Variants in RALGAPA1 observed in about 807,000 individuals in gnomAD.
RALGAPA1 encodes the protein ral GTPase-activating protein subunit alpha-1.
Under a neutral mutation model 269.6 loss-of-function variants are expected in RALGAPA1, and 52 were observed. That is an observed-to-expected ratio of 0.19 (90% CI 0.15 to 0.24). The LOEUF is 0.24. RALGAPA1 is among the 10% of genes least tolerant of loss of function. RALGAPA1 has a pLI of 1.00. For synonymous variants in RALGAPA1, 817 were observed against 1,008.3 expected, an observed-to-expected ratio of 0.81 and a Z score of 3.60; for missense variants, 1,917 against 3,013.9, an observed-to-expected ratio of 0.64 and a Z score of 8.52.
chr14:35,700,337 A>G (rs2067240837), intron 16 of RALGAPA1, 35 bp from the exon 17 acceptor site: 8 of 1,481,040 alleles, frequency 5.4e-6, no homozygotes, highest in Non-Finnish European at 7.1e-6. Flanking sequence ...TGGGGAAGGA[A>G]AAAAGAAGAG....
chr14:35,559,299 G>A (rs2055934300), intron 39 of RALGAPA1, among the ~76,000 whole-genome samples: 1 of 152,116 alleles, frequency 6.6e-6, no homozygotes, highest in African/African-American at 2.4e-5. Context: ...TGTCAAATAT[G>A]TTTAAAGACT....
chr14:35,588,900 T>C (rs2058470830), intron 37 of RALGAPA1, among the ~76,000 whole-genome samples: 4 of 152,306 alleles, frequency 2.6e-5, no homozygotes. Context: ...GTGGTATATA[T>C]ATAAAATGGA....
At chr14:35,728,169 C>T (rs1044324964) in intron 13 of RALGAPA1, among the ~76,000 whole-genome samples, 193 bp downstream of exon 13, 6 of 152,134 alleles carry the variant, frequency 3.9e-5, no homozygotes, top group African/African-American at 1.4e-4. Context: ...AGGGGTCTTG[C>T]GGAAGTCCGA....
At chr14:35,584,046 G>C (rs916872761) in intron 37 of RALGAPA1, among the ~76,000 whole-genome samples, 2 of 151,752 alleles carry the variant, frequency 1.3e-5, no homozygotes, top group Non-Finnish European at 2.9e-5. Flanking sequence ...AATAAGTGAG[G>C]GTAAATTAAA....
intron 1 of RALGAPA1, among the ~76,000 whole-genome samples, chr14:35,792,506 G>A (rs1178190214): frequency 6.6e-6 from 1 of 152,020 alleles, no homozygotes; most frequent in Non-Finnish European, 1.5e-5. Flanking sequence ...GACCTGGCTG[G>A]GCATGGTGGC....
chr14:35,689,922 A>G lies in RALGAPA1; in HGVS notation c.2489T>C (p.Phe830Ser). The G allele has an allele frequency of 6.2e-7, 1 of 1,602,468 alleles. No individual in the cohort carries two copies. ...SQSEETGNEV[F>S]GALNEEQPLP... The stretch of plus-strand genomic sequence containing the variant: ...TGGCTGCTCCTCATTCAAAGCACCA[A>G]AAACTTCATTTCCAGTTTCTTCACT... The change falls in exon 18 of 42, where the codon TTT becomes TCT. Residue 830 changes from phenylalanine to serine, a missense_variant. Physicochemically the swap from Phe to Ser is radical, Grantham distance 155 (BLOSUM62 -2). This residue lies in a region of RALGAPA1 where 125 missense variants were observed against 155.7 expected (regional missense o/e 0.80). Coordinates refer to ENST00000680220, the MANE Select transcript of RALGAPA1 (RefSeq NM_001346249.2).
At chr14:35,600,531 T>C (rs972431827) in intron 36 of RALGAPA1, among the ~76,000 whole-genome samples, 4 of 152,130 alleles carry the variant, frequency 2.6e-5, no homozygotes, top group African/African-American at 9.7e-5. Flanking sequence ...ATGCCCAGCC[T>C]AAGTTTGTTT....
In RALGAPA1 at chr14:35,600,965, C is replaced by T. The variant is rs142361047; in HGVS notation, c.7053+4621G>A. 1.7e-3 allele frequency among the ~76,000 whole-genome samples: 257 copies of T among 152,172 alleles called. 2 individuals carry two copies. In the East Asian group the frequency reaches 0.019, roughly 11 times the overall value. ...GGTTGTTTGAAGACTCTGCTGTATG[C>T]GGGAAAAGAGCAGAGAATCAGGTGA... is the stretch of plus-strand genomic sequence containing the variant. On this transcript the variant is annotated intron_variant, in intron 36 of 41. Coordinates refer to ENST00000680220, the MANE Select transcript of RALGAPA1 (RefSeq NM_001346249.2).
At chr14:35,587,766 T>G (rs1380107489) in intron 37 of RALGAPA1, among the ~76,000 whole-genome samples, 1 of 152,068 alleles carries the variant, frequency 6.6e-6, no homozygotes, top group Non-Finnish European at 1.5e-5. Context: ...ATACCTAATG[T>G]AAATGATGAG....
chr14:35,722,566 T>G (rs2069519066), intron 15 of RALGAPA1, among the ~76,000 whole-genome samples: 1 of 151,560 alleles, frequency 6.6e-6, no homozygotes, highest in African/African-American at 2.4e-5. Context: ...GAGCCATGAC[T>G]GTGCTACTAT....
intron 15 of RALGAPA1, 62 bp downstream of exon 15, chr14:35,722,965 G>T: frequency 1.0e-6 from 1 of 971,692 alleles, no homozygotes; most frequent in Non-Finnish European, 1.6e-6. Context: ...CCCTGGAATG[G>T]TTTTCCCTGA....
chr14:35,682,494 G>A (rs969626706), intron 21 of RALGAPA1, among the ~76,000 whole-genome samples: 1 of 152,052 alleles, frequency 6.6e-6, no homozygotes, highest in East Asian at 1.9e-4. Context: ...TTTTAGTAGA[G>A]ATGGGGTTTC....
intron 37 of RALGAPA1, among the ~76,000 whole-genome samples, chr14:35,573,015 T>C (rs1415846129): frequency 6.6e-6 from 1 of 152,178 alleles, no homozygotes; most frequent in Non-Finnish European, 1.5e-5. Context: ...AACAGATCTT[T>C]TAAAAGATTG....
At position 35,570,727 on chromosome 14, in the gene RALGAPA1, G is replaced by C. The variant is rs779736018; in HGVS notation, c.7386C>G (p.Pro2462=). 1.5e-4 allele frequency: 243 copies of C among 1,598,524 alleles called. 1 individual carries two copies. The highest frequency in any genetic ancestry group is 2.0e-4 in the Non-Finnish European group (233 of 1,173,908). The change falls in exon 39 of 42, where the codon CCC becomes CCG. Residue 2462 remains proline, a synonymous_variant. Coordinates refer to ENST00000680220, the MANE Select transcript of RALGAPA1 (RefSeq NM_001346249.2). ...CATTCACAATAGCACCATCAAAAAG[G>C]GGACCAAAGAAGGGAACCTGATTGA... The part of the protein sequence containing the change: ...MKKPEVPFFG[P]LFDGAIVNGK...
chr14:35,652,305 A>G (rs1358409488), intron 30 of RALGAPA1, among the ~76,000 whole-genome samples: 2 of 151,708 alleles, frequency 1.3e-5, no homozygotes, highest in African/African-American at 4.8e-5. Flanking sequence ...AACAACAAAA[A>G]ACCACTGTAA....
intron 1 of RALGAPA1, among the ~76,000 whole-genome samples, chr14:35,792,341 G>A (rs2076236002): frequency 6.6e-6 from 1 of 152,054 alleles, no homozygotes; most frequent in Non-Finnish European, 1.5e-5. Context: ...ATTTTCAGTA[G>A]AGACGTGGTT....
Position 35,742,358 on chromosome 14 carries a change from A to T in RALGAPA1, c.1449+10T>A. The T allele has an allele frequency of 1.3e-6, 2 of 1,560,460 alleles. No individual in the cohort carries two copies. The highest frequency in any genetic ancestry group is 2.7e-5 in the African/African-American group (2 of 73,422). Reference sequence around the variant, plus strand: ...ACTAACACTAAAATATATAAATCTTATAACTTCACCTCTTCTCTTTTTTCT... The same window carrying T: ...ACTAACACTAAAATATATAAATCTTTTAACTTCACCTCTTCTCTTTTTTCT... On this transcript the variant is annotated intron_variant, in intron 11 of 41. Transcript: ENST00000680220.
chr14:35,738,089 C>CAA lies in RALGAPA1; in HGVS notation c.1587+422_1587+423dup, dbSNP rs58213941. Among the ~76,000 whole-genome samples, 94 of 123,662 alleles carry CAA rather than the reference C, an allele frequency of 7.6e-4. 1 individual carries two copies. In the East Asian group the frequency reaches 0.019, roughly 25 times the overall value. The allele number at this position is 123,662 out of a possible 152,430, so 81.1% of individuals were successfully genotyped here. A position where few individuals can be genotyped will look rare whatever the true frequency, so the allele number is the denominator to read the frequency against. ...GGCAACAAGAGCGAAAACTCCATCT[C>CAA]AAAAAAAAAAAAAAGTTCACTGTAG... On this transcript the variant is annotated intron_variant, in intron 12 of 41. Transcript: ENST00000680220.
chr14:35,579,470 A>C (rs746099790), intron 37 of RALGAPA1, among the ~76,000 whole-genome samples: 1 of 151,798 alleles, frequency 6.6e-6, no homozygotes, highest in Admixed American at 6.6e-5. Context: ...CTCTACTAAA[A>C]GGTGGTGCAC....
Sources: gnomAD v4.1 joint callset for allele counts (sites outside exome capture counted in the v4.1 genomes callset) on GRCh38, gnomAD v4.1.1 for gene constraint, gnomAD v4.1.1 regional missense constraint, MANE v1.5 for transcripts, NCBI Gene and HGNC (gene_info 2026-07-23, HGNC 2026-07-21) for gene names.